MAGI1: variants seen among roughly 807,000 people sequenced by gnomAD.
MAGI1 encodes the protein membrane associated guanylate kinase, WW and PDZ domain containing 1.
In MAGI1, 58 loss-of-function variants were observed where a neutral mutation model predicts 139.9. That is an observed-to-expected ratio of 0.41 (90% confidence interval 0.34 to 0.52). The LOEUF (loss-of-function observed/expected upper bound fraction) is 0.52. Among genes scored for constraint, MAGI1 ranks in the 20% least tolerant of loss-of-function variants. MAGI1 has a pLI of 0.12. For missense variants in MAGI1, 1,874 were observed against 1,901.6 expected (o/e 0.99, Z 0.27); for synonymous variants, 812 against 737.9 (o/e 1.10, Z -1.63).
At chr3:65,679,009 G>A (rs2087388104) in intron 1 of MAGI1, among the ~76,000 whole-genome samples, 1 of 151,994 alleles carries the variant, frequency 6.6e-6, no homozygotes, top group Non-Finnish European at 1.5e-5. Flanking sequence ...TTTTACTTCC[G>A]TGTTCCACTT....
rs955515894 is a variant in MAGI1, at chr3:65,738,357, T to G, written c.314-116269A>C. On this transcript the variant is annotated intron_variant, in intron 1 of 22. Coordinates refer to ENST00000402939, the MANE Select transcript of MAGI1 (RefSeq NM_001033057.2). ...AAGCCAATTTAAAAAAAAAATTTTT[T>G]TGTGGAGATGTGGTCTCATTGTATT... Among the ~76,000 whole-genome samples the G allele has an allele frequency of 5.9e-5, 9 of 152,172 alleles. No individual in the cohort carries two copies. The East Asian group carries it at 7.7e-4, about 13-fold the overall frequency.
intron 14 of MAGI1, among the ~76,000 whole-genome samples, chr3:65,384,880 C>T (rs1002978139): frequency 1.3e-5 from 2 of 151,762 alleles, no homozygotes; most frequent in African/African-American, 2.4e-5. Context: ...GTGGGGGATG[C>T]GGGTGTCCTG....
chr3:65,826,056 C>T (rs1012149249), intron 1 of MAGI1, among the ~76,000 whole-genome samples: 3 of 151,828 alleles, frequency 2.0e-5, no homozygotes, highest in African/African-American at 4.8e-5. Flanking sequence ...AGGTATACCA[C>T]TTTAGTAGTT....
chr3:65,950,090 C>CAAAAAAAAAAAAAAAAA (rs1269489815), intron 1 of MAGI1, among the ~76,000 whole-genome samples: 1 of 17,070 alleles, frequency 5.9e-5, no homozygotes, highest in African/African-American at 1.7e-4. Flanking sequence ...AAAAAAAAAA[C>CAAAAAAAAAAAAAAAAA]AAACAAAAAA....
At chr3:65,728,368 G>C (rs187622209) in intron 1 of MAGI1, among the ~76,000 whole-genome samples, 3 of 152,206 alleles carry the variant, frequency 2.0e-5, no homozygotes, top group Non-Finnish European at 2.9e-5. Flanking sequence ...TGGGATCATA[G>C]AGCCCATGGT....
intron 1 of MAGI1, among the ~76,000 whole-genome samples, chr3:65,899,406 C>T (rs535908032): frequency 2.6e-5 from 4 of 152,116 alleles, no homozygotes; most frequent in Admixed American, 6.5e-5. Context: ...ATGACCATTC[C>T]GCTGAAGAAA....
intron 1 of MAGI1, among the ~76,000 whole-genome samples, chr3:65,740,328 C>T (rs987233720): frequency 3.9e-5 from 6 of 152,160 alleles, no homozygotes; most frequent in African/African-American, 1.4e-4. Flanking sequence ...AATGCTCCCA[C>T]AAATCCTAGG....
chr3:65,942,842 G>A lies in MAGI1; in HGVS notation c.313+95154C>T, dbSNP rs537631820. Among the ~76,000 whole-genome samples the A allele has an allele frequency of 1.1e-4, 16 of 152,238 alleles. No individual in the cohort carries two copies. In the South Asian group the frequency reaches 1.7e-3, roughly 16 times the overall value. On this transcript the variant is annotated intron_variant, in intron 1 of 22. Transcript: ENST00000402939. ...TCGAGACCAGCCTGGCCAATAGGGT[G>A]AAACCCCATCTCTACTAAAAATACA...
intron 1 of MAGI1, among the ~76,000 whole-genome samples, chr3:66,021,898 G>A (rs1226750083): frequency 1.3e-5 from 2 of 152,178 alleles, no homozygotes; most frequent in African/African-American, 4.8e-5. Context: ...AATCCAATGT[G>A]TGGGGTACTG....
At chr3:65,571,750 T>C (rs1181199497) in intron 2 of MAGI1, among the ~76,000 whole-genome samples, 1 of 151,874 alleles carries the variant, frequency 6.6e-6, no homozygotes, top group Non-Finnish European at 1.5e-5. Flanking sequence ...ATGAATACGT[T>C]TTGAGAGATG....
At chr3:65,382,908 T>C (rs1207682514) in intron 15 of MAGI1, among the ~76,000 whole-genome samples, 1 of 152,214 alleles carries the variant, frequency 6.6e-6, no homozygotes, top group Non-Finnish European at 1.5e-5. Context: ...AAGCGCTCGA[T>C]GAATAATGGC....
chr3:65,584,049 C>G (rs562957340), intron 2 of MAGI1, among the ~76,000 whole-genome samples: 52 of 137,500 alleles, frequency 3.8e-4, no homozygotes, highest in African/African-American at 1.4e-3. Flanking sequence ...TTCTCTACCC[C>G]TATTTCCATT....
intron 14 of MAGI1, 22 bp from the exon 15 acceptor site, chr3:65,383,645 G>A: frequency 1.4e-6 from 2 of 1,444,532 alleles, no homozygotes; most frequent in Non-Finnish European, 9.8e-7. Flanking sequence ...GGAGAAAAAA[G>A]AGAAGGATTA....
chr3:65,448,011 G>C lies in MAGI1; in HGVS notation c.1078+11C>G. On this transcript the variant is annotated intron_variant, in intron 7 of 22. Coordinates refer to ENST00000402939, the MANE Select transcript of MAGI1 (RefSeq NM_001033057.2). ...CGTGTCATGCAGCAGCAGCAGGCAG[G>C]GAGGGTTTACCTAGTTCACTGTCCA... 1 of 1,614,004 alleles carries C rather than the reference G, an allele frequency of 6.2e-7. No individual in the cohort carries two copies. Among genetic ancestry groups the C allele is most frequent in the East Asian group, 2.2e-5 (1 of 44,872 alleles).
In MAGI1 at chr3:65,627,933, T is replaced by C. The variant is rs191919222; in HGVS notation, c.314-5845A>G. On this transcript the variant is annotated intron_variant, in intron 1 of 22. Coordinates refer to ENST00000402939, the MANE Select transcript of MAGI1 (RefSeq NM_001033057.2). ...CATGTTTGATGGATGTAGTTTTTCT[T>C]ATTTTAAATGTTGTATAATATTCAA... 1.1e-3 allele frequency among the ~76,000 whole-genome samples: 166 copies of C among 152,352 alleles called. 2 individuals carry two copies. The highest frequency in any genetic ancestry group is 0.011 in the Admixed American group (165 of 15,304).
At chr3:65,933,072 C>A (rs2106750478) in intron 1 of MAGI1, among the ~76,000 whole-genome samples, 1 of 152,272 alleles carries the variant, frequency 6.6e-6, no homozygotes, top group African/African-American at 2.4e-5. Flanking sequence ...ATACTTGTTT[C>A]AATAAGTATT....
At chr3:65,590,965 A>G (rs768184051) in intron 2 of MAGI1, among the ~76,000 whole-genome samples, 5 of 152,232 alleles carry the variant, frequency 3.3e-5, no homozygotes, top group Non-Finnish European at 7.3e-5. Flanking sequence ...GAGTTTTTCA[A>G]ATCCTAAAAT....
At chr3:65,514,662 G>C (rs1174925916) in intron 2 of MAGI1, among the ~76,000 whole-genome samples, 2 of 137,216 alleles carry the variant, frequency 1.5e-5, no homozygotes, top group Non-Finnish European at 3.1e-5. Context: ...GGAAACAACA[G>C]GTGCTGGAGA....
intron 1 of MAGI1, among the ~76,000 whole-genome samples, chr3:65,630,627 T>C (rs565180808): frequency 3.3e-5 from 5 of 152,258 alleles, no homozygotes; most frequent in South Asian, 4.1e-4. Context: ...CCAAATACCA[T>C]ATGTTCTCAC....
Sources: allele counts gnomAD v4.1 joint callset (sites outside exome capture counted in the v4.1 genomes callset), GRCh38; gene constraint gnomAD v4.1.1; transcripts MANE v1.5; gene names NCBI Gene and HGNC (gene_info 2026-07-23, HGNC 2026-07-21).